KHDRBS2: variants seen among roughly 807,000 people sequenced by gnomAD.
KHDRBS2 encodes the protein KH RNA binding domain containing, signal transduction associated 2, also known as KH domain-containing, RNA-binding, signal transduction-associated protein 2.
Under a neutral mutation model 44.3 loss-of-function variants are expected in KHDRBS2, and 26 were observed. The ratio of observed to expected loss-of-function variants is 0.59; its 90% CI spans 0.43 to 0.81. KHDRBS2 has a LOEUF of 0.81. KHDRBS2 is among the 40% of genes least tolerant of loss of function. The probability of loss-of-function intolerance (pLI) is 0.00; values close to 1 mark genes in which losing one functional copy is unlikely to be tolerated. For synonymous variants in KHDRBS2, 194 were observed against 151.1 expected (o/e 1.28, Z -2.08); for missense variants, 476 against 433.1 (o/e 1.10, Z -0.88).
intron 2 of KHDRBS2, among the ~76,000 whole-genome samples, chr6:62,100,672 T>A (rs561638464): frequency 2.6e-5 from 4 of 152,192 alleles, no homozygotes; most frequent in Non-Finnish European, 4.4e-5. Context: ...CAGGAAATCA[T>A]TGGCATTTTT....
At chr6:61,575,255 A>G in the KHDRBS2 span, among the ~76,000 whole-genome samples, 1 of 152,214 alleles carries the variant, frequency 6.6e-6, no homozygotes, top group African/African-American at 2.4e-5. Context: ...AGGAACTCAA[A>G]CAAATCAGCA....
intron 1 of KHDRBS2, among the ~76,000 whole-genome samples, chr6:62,231,781 A>G (rs998460382): frequency 2.0e-5 from 3 of 152,048 alleles, no homozygotes; most frequent in Middle Eastern, 3.2e-3. Context: ...TTCGTGAAGA[A>G]TTTTCTTTCT....
intron 4 of KHDRBS2, among the ~76,000 whole-genome samples, chr6:61,958,540 G>T (rs777225250): frequency 1.3e-5 from 2 of 152,112 alleles, no homozygotes; most frequent in Non-Finnish European, 2.9e-5. Context: ...CACCAACAGT[G>T]ATATTTCTCT....
At chr6:61,694,162 A>C (rs371250774) in intron 8 of KHDRBS2, among the ~76,000 whole-genome samples, 167 of 152,310 alleles carry the variant, frequency 1.1e-3, no homozygotes, top group African/African-American at 3.9e-3. Flanking sequence ...ATGACTACTT[A>C]CAAATAATAA....
chr6:61,582,332 A>C, the KHDRBS2 span, among the ~76,000 whole-genome samples: 28,380 of 151,608 alleles, frequency 0.19, 3,017 homozygotes, highest in East Asian at 0.29. Flanking sequence ...CATAGAAGAG[A>C]AGAAATTTAA....
chr6:61,779,824 C>T (rs1441131674), intron 6 of KHDRBS2, among the ~76,000 whole-genome samples: 5 of 152,034 alleles, frequency 3.3e-5, no homozygotes, highest in African/African-American at 1.2e-4. Context: ...TAAAATAAGG[C>T]ATAAATTCCA....
At chr6:62,200,629 T>G (rs1369554051) in intron 1 of KHDRBS2, among the ~76,000 whole-genome samples, 1 of 152,218 alleles carries the variant, frequency 6.6e-6, no homozygotes, top group Non-Finnish European at 1.5e-5. Context: ...ATTTTTACAC[T>G]GTTGGTGGGA....
Position 61,732,614 on chromosome 6 carries a change from C to G in KHDRBS2, c.893+68G>C. 2.3e-6 allele frequency: 2 copies of G among 882,314 alleles called. 1 individual carries two copies. Among genetic ancestry groups the G allele is most frequent in the South Asian group, 2.8e-5 (2 of 72,204 alleles). The allele number at this position is 882,314 out of a possible 1,614,324, so 54.7% of individuals were successfully genotyped here. A position where few individuals can be genotyped will look rare whatever the true frequency, so the allele number is the denominator to read the frequency against. ...ATTCTCACATGATATAATTGACATT[C>G]AGATTCAAGAAACAAAATTGATTAG... On this transcript the variant is annotated intron_variant, in intron 7 of 8. Transcript: ENST00000281156.
At chr6:61,934,506 C>T (rs534057769) in intron 4 of KHDRBS2, among the ~76,000 whole-genome samples, 2 of 152,212 alleles carry the variant, frequency 1.3e-5, no homozygotes, top group South Asian at 4.1e-4. Context: ...TATAAACATA[C>T]CCAATAAATA....
At chr6:61,971,702 T>C (rs1423293043) in intron 4 of KHDRBS2, among the ~76,000 whole-genome samples, 1 of 152,086 alleles carries the variant, frequency 6.6e-6, no homozygotes, top group African/African-American at 2.4e-5. Context: ...CCCTTGTTTG[T>C]ATGGTGGTGG....
intron 3 of KHDRBS2, among the ~76,000 whole-genome samples, chr6:61,996,153 C>T (rs1273566173): frequency 2.0e-5 from 3 of 152,072 alleles, no homozygotes; most frequent in Non-Finnish European, 4.4e-5. Flanking sequence ...GTCTACAGGG[C>T]AAGTGTTAAA....
chr6:61,992,779 AT>A (rs1776382452), intron 3 of KHDRBS2, among the ~76,000 whole-genome samples: 1 of 152,210 alleles, frequency 6.6e-6, no homozygotes, highest in Admixed American at 6.5e-5. Context: ...GAAAACAAGT[AT>A]TTTCCAGGGG....
intron 1 of KHDRBS2, among the ~76,000 whole-genome samples, chr6:62,231,102 A>T (rs1049888694): frequency 1.3e-5 from 2 of 152,190 alleles, no homozygotes; most frequent in African/African-American, 4.8e-5. Flanking sequence ...ATTTAATATA[A>T]TATTAGAAAT....
chr6:61,834,797 A>C (rs1267269401), intron 6 of KHDRBS2, among the ~76,000 whole-genome samples: 1 of 152,064 alleles, frequency 6.6e-6, no homozygotes, highest in Non-Finnish European at 1.5e-5. Context: ...GGATAATTTA[A>C]TAGAGAAAGT....
At chr6:61,649,353 A>T in the KHDRBS2 span, among the ~76,000 whole-genome samples, 1 of 152,160 alleles carries the variant, frequency 6.6e-6, no homozygotes, top group African/African-American at 2.4e-5. Flanking sequence ...AAATATGTTT[A>T]TGTAGCCTAT....
the KHDRBS2 span, among the ~76,000 whole-genome samples, chr6:61,614,667 G>T: frequency 6.6e-6 from 1 of 152,102 alleles, no homozygotes; most frequent in East Asian, 1.9e-4. Flanking sequence ...CTAGATAGAG[G>T]CATCATCATG....
At chr6:61,578,916 T>C in the KHDRBS2 span, among the ~76,000 whole-genome samples, 2 of 152,136 alleles carry the variant, frequency 1.3e-5, no homozygotes, top group Non-Finnish European at 2.9e-5. Context: ...GGGATTTACA[T>C]GTTAGTGGTA....
At chr6:61,996,693 C>T (rs1471376780) in intron 3 of KHDRBS2, among the ~76,000 whole-genome samples, 1 of 152,072 alleles carries the variant, frequency 6.6e-6, no homozygotes. Flanking sequence ...TAACCTATTG[C>T]TCTTTTTGAG....
At chr6:61,651,108 G>C in the KHDRBS2 span, among the ~76,000 whole-genome samples, 1 of 152,056 alleles carries the variant, frequency 6.6e-6, no homozygotes, top group Non-Finnish European at 1.5e-5. Context: ...GAATATGATT[G>C]ATAAACATTT....
Sources: allele counts gnomAD v4.1 joint callset (sites outside exome capture counted in the v4.1 genomes callset), GRCh38; gene constraint gnomAD v4.1.1; transcripts MANE v1.5; gene names NCBI Gene and HGNC (gene_info 2026-07-23, HGNC 2026-07-21).